The following PRKCE variants were observed in gnomAD, a reference collection of about 807,000 sequenced individuals.
PRKCE encodes the protein protein kinase C epsilon type.
PRKCE carries 16 observed loss-of-function variants against 85.4 expected under a neutral mutation model. The ratio of observed to expected loss-of-function variants is 0.19; its 90% CI spans 0.13 to 0.28. The LOEUF (loss-of-function observed/expected upper bound fraction) is 0.28, where lower values mean the gene tolerates loss of function less well. Ranked by LOEUF, PRKCE falls within the 10% of genes least tolerant of loss-of-function variation. The pLI is 1.00. For synonymous variants in PRKCE, 388 were observed against 371.5 expected (o/e 1.04, Z -0.51); for missense variants, 573 against 975.2 (o/e 0.59, Z 5.49).
At chr2:46,122,881 GTTTTT>G (rs1244942634) in intron 11 of PRKCE, among the ~76,000 whole-genome samples, 96 of 117,156 alleles carry the variant, frequency 8.2e-4, no homozygotes, top group African/African-American at 3.2e-3. Flanking sequence ...AACAGTCTGG[GTTTTT>G]TTTTTTTTTT....
chr2:46,075,616 G>A (rs1350893187), intron 10 of PRKCE, among the ~76,000 whole-genome samples: 3 of 151,982 alleles, frequency 2.0e-5, no homozygotes, highest in African/African-American at 4.8e-5. Context: ...AGGCATGGTC[G>A]CATCCACCTG....
chr2:46,127,228 G>A (rs538132174), intron 11 of PRKCE, among the ~76,000 whole-genome samples: 12 of 152,246 alleles, frequency 7.9e-5, no homozygotes, highest in East Asian at 1.9e-4. Context: ...TTTTCTTCAC[G>A]TCACTAAAAT....
chr2:45,659,879 G>A (rs12994434), intron 1 of PRKCE, among the ~76,000 whole-genome samples: 44,831 of 148,162 alleles, frequency 0.3, 6,811 homozygotes, highest in Admixed American at 0.36. Flanking sequence ...TATCTGATAC[G>A]CTATTTAGTT....
chr2:45,656,707 T>C (rs1675395341), intron 1 of PRKCE, among the ~76,000 whole-genome samples: 1 of 152,208 alleles, frequency 6.6e-6, no homozygotes, highest in Non-Finnish European at 1.5e-5. Context: ...CTTTTGATGC[T>C]ACAATTTGGA....
chr2:45,924,910 G>A (rs916517123), intron 2 of PRKCE, among the ~76,000 whole-genome samples: 2 of 152,170 alleles, frequency 1.3e-5, no homozygotes, highest in African/African-American at 4.8e-5. Flanking sequence ...AGAGCTCTGA[G>A]TTCCTTGGTG....
intron 1 of PRKCE, among the ~76,000 whole-genome samples, chr2:45,706,976 A>C (rs1679165911): frequency 6.6e-6 from 1 of 152,200 alleles, no homozygotes; most frequent in African/African-American, 2.4e-5. Flanking sequence ...TTCACAGGTC[A>C]GTGGAAATTG....
intron 1 of PRKCE, among the ~76,000 whole-genome samples, chr2:45,693,188 C>T (rs1677877315): frequency 6.6e-6 from 1 of 151,934 alleles, no homozygotes; most frequent in South Asian, 2.1e-4. Context: ...CCTCAGACTT[C>T]CTGAAAGGGC....
At chr2:45,822,323 C>G (rs902087310) in intron 1 of PRKCE, among the ~76,000 whole-genome samples, 1 of 152,240 alleles carries the variant, frequency 6.6e-6, no homozygotes, top group Non-Finnish European at 1.5e-5. Context: ...GAAACTTGAG[C>G]CAGCCCGGGA....
rs61758287 is a variant in PRKCE at position 46,007,924 on chromosome 2, G to A, written c.1263+263G>A. On this transcript the variant is annotated intron_variant, in intron 9 of 14. Coordinates refer to ENST00000306156, the MANE Select transcript of PRKCE (RefSeq NM_005400.3). ...TTTGTTGAATGGGGACAGGAATCAA[G>A]TGAGATGGTAGATGAGAAAGCACTT... Among the ~76,000 whole-genome samples, 223 of 152,362 alleles carry A rather than the reference G, an allele frequency of 1.5e-3. 1 individual carries two copies. The highest frequency in any genetic ancestry group is 2.5e-3 in the Non-Finnish European group (173 of 68,026).
At chr2:46,108,980 T>C (rs1044035094) in intron 11 of PRKCE, among the ~76,000 whole-genome samples, 16 of 152,186 alleles carry the variant, frequency 1.1e-4, no homozygotes, top group African/African-American at 3.9e-4. Context: ...TGCATTGCCT[T>C]TGCTCCATTG....
At chr2:46,179,900 C>T (rs1679801021) in intron 14 of PRKCE, among the ~76,000 whole-genome samples, 1 of 152,182 alleles carries the variant, frequency 6.6e-6, no homozygotes, top group South Asian at 2.1e-4. Context: ...AGCACAGCAG[C>T]CCCTGACCCT....
At position 45,774,547 on chromosome 2, in the gene PRKCE, G is replaced by A. The variant is rs967094078; in HGVS notation, c.349-68453G>A. 2.6e-5 allele frequency among the ~76,000 whole-genome samples: 4 copies of A among 152,130 alleles called. No individual in the cohort carries two copies. In the South Asian group the frequency reaches 6.2e-4, roughly 24 times the overall value. ...TCATGCCAAAGCACCCCATGCCTTG[G>A]GGAAAGCTGAATGCCAGGAATCGGG... On this transcript the variant is annotated intron_variant, in intron 1 of 14. Transcript: ENST00000306156. The surrounding 1 kb of genome is among the most constrained non-coding windows in gnomAD (Gnocchi z 4.3).
At chr2:45,914,488 C>T (rs1415023785) in intron 2 of PRKCE, among the ~76,000 whole-genome samples, 1 of 152,096 alleles carries the variant, frequency 6.6e-6, no homozygotes, top group East Asian at 1.9e-4. Context: ...CCATGGTGGT[C>T]CAGGAAGTGT....
chr2:45,823,609 G>A (rs1689712123), intron 1 of PRKCE, among the ~76,000 whole-genome samples: 2 of 152,234 alleles, frequency 1.3e-5, no homozygotes. Flanking sequence ...CAGAAAGGAA[G>A]CCAGGAGTGG....
intron 1 of PRKCE, among the ~76,000 whole-genome samples, chr2:45,780,834 A>G (rs1686125020): frequency 6.6e-6 from 1 of 152,098 alleles, no homozygotes; most frequent in African/African-American, 2.4e-5. Context: ...ACATGTTTCT[A>G]TTTTCTAAAA....
intron 1 of PRKCE, among the ~76,000 whole-genome samples, chr2:45,771,432 G>T (rs999030785): frequency 6.6e-6 from 1 of 152,056 alleles, no homozygotes; most frequent in Non-Finnish European, 1.5e-5. Context: ...CCTCTCCAGC[G>T]GGTGGAGATG....
In PRKCE at chr2:46,145,793, A is replaced by G. The variant is rs1676016828; in HGVS notation, c.1731+562A>G. On this transcript the variant is annotated intron_variant, in intron 12 of 14. Transcript: ENST00000306156. This position sits in a 1 kb window ranked among gnomAD's most constrained non-coding sequence, Gnocchi z 4.6. The stretch of plus-strand genomic sequence containing the variant: ...TGAGGTGAAAGGATCAATTGAGCCC[A>G]GAAGGTTGAGGCTATAGTGAGCCAT... 6.6e-6 allele frequency among the ~76,000 whole-genome samples: 1 copy of G among 152,162 alleles called. No individual in the cohort carries two copies. Among genetic ancestry groups the G allele is most frequent in the African/African-American group, 2.4e-5 (1 of 41,438 alleles).
intron 2 of PRKCE, among the ~76,000 whole-genome samples, chr2:45,932,942 T>C (rs1215584271): frequency 6.6e-6 from 1 of 152,248 alleles, no homozygotes; most frequent in Non-Finnish European, 1.5e-5. Flanking sequence ...TCCCATGTTG[T>C]AGCAAGTGTT....
In PRKCE at chr2:45,935,782, C is replaced by CAAA. The variant is rs11332351; in HGVS notation, c.413-40632_413-40630dup. 9.7e-4 allele frequency among the ~76,000 whole-genome samples: 131 copies of CAAA among 134,604 alleles called. 3 individuals are homozygous for CAAA. The highest frequency in any genetic ancestry group is 1.3e-3 in the Non-Finnish European group (83 of 63,054). 88.3% of individuals were successfully genotyped at this position (134,604 alleles called of 152,430 possible). On this transcript the variant is annotated intron_variant, in intron 2 of 14. Coordinates refer to ENST00000306156, the MANE Select transcript of PRKCE (RefSeq NM_005400.3). ...CCCACACGACAAAGTGAGACTGTCT[C>CAAA]AAAAAAAAAAAAAAAAATCGCAGCT...
Sources: allele counts gnomAD v4.1 joint callset (sites outside exome capture counted in the v4.1 genomes callset), GRCh38; gene constraint gnomAD v4.1.1; non-coding constraint Gnocchi (gnomAD v3.1); transcripts MANE v1.5; gene names NCBI Gene and HGNC (gene_info 2026-07-23, HGNC 2026-07-21).